The following APBA1 variants were observed in gnomAD, a reference collection of about 807,000 sequenced individuals.
APBA1 encodes the protein amyloid-beta A4 precursor protein-binding family A member 1.
APBA1 carries 55 observed loss-of-function variants against 86.6 expected under a neutral mutation model. That is an observed-to-expected ratio of 0.64 (90% CI 0.51 to 0.80). The LOEUF is 0.80. APBA1 is among the 30% of genes least tolerant of loss of function. The pLI, the probability that APBA1 is intolerant of heterozygous loss-of-function variation, is 0.00. For synonymous variants in APBA1, 511 were observed against 493.9 expected, an observed-to-expected ratio of 1.03 and a Z score of -0.46; for missense variants, 1,090 against 1,183.0, an observed-to-expected ratio of 0.92 and a Z score of 1.15.
At chr9:69,521,674 T>C (rs1052941554) in intron 1 of APBA1, among the ~76,000 whole-genome samples, 20 of 152,196 alleles carry the variant, frequency 1.3e-4, no homozygotes, top group Admixed American at 5.9e-4. Flanking sequence ...GAGGACATTA[T>C]GTAGATATTA....
intron 1 of APBA1, among the ~76,000 whole-genome samples, chr9:69,639,129 T>C (rs1425782698): frequency 6.6e-6 from 1 of 152,150 alleles, no homozygotes; most frequent in Non-Finnish European, 1.5e-5. Context: ...CAGAGATAGT[T>C]TACAGTTAAA....
intron 10 of APBA1, among the ~76,000 whole-genome samples, chr9:69,442,074 T>A (rs1834833883): frequency 6.6e-6 from 1 of 152,194 alleles, no homozygotes. Flanking sequence ...GCCTGACCAC[T>A]GACTTGTCAG....
Position 69,516,666 on chromosome 9 carries a change from G to C in APBA1, c.545C>G (p.Pro182Arg). ...GTAGTCGGCATAGGGCTCGGAGTAG[G>C]GCTCGTCCTCACCGCGGTGGAAGAG... ...HRLFHRGEDE[P>R]YSEPYADYGG... The change falls in exon 2 of 13, where the codon CCC becomes CGC. Residue 182 changes from proline to arginine, a missense_variant. By Grantham distance (103) the Pro-to-Arg change is moderately radical. Transcript: ENST00000265381. This position sits in a 1 kb window ranked among gnomAD's most constrained non-coding sequence, Gnocchi z 7.3. The C allele has an allele frequency of 6.2e-7, 1 of 1,609,704 alleles. No homozygotes were observed. The highest frequency in any genetic ancestry group is 8.5e-7 in the Non-Finnish European group (1 of 1,179,062).
intron 1 of APBA1, among the ~76,000 whole-genome samples, chr9:69,519,306 C>T (rs1213425853): frequency 1.3e-5 from 2 of 152,220 alleles, no homozygotes; most frequent in Admixed American, 1.3e-4. Context: ...GTGCAGTTCA[C>T]AATAGAGTTC....
intron 1 of APBA1, among the ~76,000 whole-genome samples, chr9:69,545,977 G>T (rs1328213057): frequency 6.6e-6 from 1 of 152,122 alleles, no homozygotes; most frequent in African/African-American, 2.4e-5. Context: ...TAGCTAGAGG[G>T]AAAACACTTT....
intron 1 of APBA1, among the ~76,000 whole-genome samples, chr9:69,654,209 C>T (rs1203160791): frequency 6.7e-6 from 1 of 149,786 alleles, no homozygotes; most frequent in East Asian, 1.9e-4. Flanking sequence ...CCTCAAGGAA[C>T]TAGAAAAATA....
chr9:69,456,503 T>G, intron 7 of APBA1, 71 bp from the exon 8 acceptor site: 2 of 1,457,564 alleles, frequency 1.4e-6, no homozygotes, highest in Non-Finnish European at 1.9e-6. Context: ...CCTGCCACCT[T>G]ACAGCCAGTC....
At chr9:69,540,803 T>G (rs1836595986) in intron 1 of APBA1, among the ~76,000 whole-genome samples, 1 of 152,150 alleles carries the variant, frequency 6.6e-6, no homozygotes, top group South Asian at 2.1e-4. Context: ...CTCGCCACAT[T>G]GCCCAGGTTG....
At chr9:69,662,491 A>G (rs574067983) in intron 1 of APBA1, among the ~76,000 whole-genome samples, 27 of 152,322 alleles carry the variant, frequency 1.8e-4, no homozygotes, top group Admixed American at 2.6e-4. Flanking sequence ...GATTAGGTTA[A>G]GCTTTCATAT....
chr9:69,624,871 A>G (rs1050990038), intron 1 of APBA1, among the ~76,000 whole-genome samples: 1 of 152,174 alleles, frequency 6.6e-6, no homozygotes. Flanking sequence ...TCCACTGTCA[A>G]ACTGAGACAT....
chr9:69,538,924 C>T (rs963991230), intron 1 of APBA1, among the ~76,000 whole-genome samples: 2 of 152,172 alleles, frequency 1.3e-5, no homozygotes, highest in Non-Finnish European at 2.9e-5. Context: ...CAGTGAGTTC[C>T]ATATTGCAAT....
At chr9:69,661,254 T>C (rs1823747940) in intron 1 of APBA1, among the ~76,000 whole-genome samples, 1 of 152,210 alleles carries the variant, frequency 6.6e-6, no homozygotes, top group Non-Finnish European at 1.5e-5. Flanking sequence ...AGAGAAAGTT[T>C]GTCAACTTCT....
chr9:69,661,674 G>C (rs955385951), intron 1 of APBA1, among the ~76,000 whole-genome samples: 4 of 152,134 alleles, frequency 2.6e-5, no homozygotes, highest in East Asian at 1.9e-4. Context: ...TGGGTCATGG[G>C]GGGTGAATCT....
At chr9:69,623,358 C>CTT (rs201582881) in intron 1 of APBA1, among the ~76,000 whole-genome samples, 3 of 147,282 alleles carry the variant, frequency 2.0e-5, no homozygotes, top group Admixed American at 1.3e-4. Flanking sequence ...TCTTTTTTTT[C>CTT]TTTTTTTTTT....
At chr9:69,447,390 C>T (rs1447726966) in intron 10 of APBA1, among the ~76,000 whole-genome samples, 8 of 152,296 alleles carry the variant, frequency 5.3e-5, no homozygotes, top group Admixed American at 4.6e-4. Flanking sequence ...ACTCCTATGC[C>T]GCTCAGGCAG....
At chr9:69,641,583 G>C (rs1036655774) in intron 1 of APBA1, among the ~76,000 whole-genome samples, 5 of 152,114 alleles carry the variant, frequency 3.3e-5, no homozygotes, top group Non-Finnish European at 7.4e-5. Context: ...TCCAGAAACA[G>C]ACCCACCATA....
chr9:69,667,694 C>T (rs1440276688), intron 1 of APBA1, among the ~76,000 whole-genome samples: 1 of 151,544 alleles, frequency 6.6e-6, no homozygotes, highest in Non-Finnish European at 1.5e-5. Flanking sequence ...TCAAGTCTTC[C>T]TATACTAAAA....
chr9:69,500,181 A>C (rs1177705528), intron 2 of APBA1, among the ~76,000 whole-genome samples: 2 of 152,042 alleles, frequency 1.3e-5, no homozygotes, highest in Non-Finnish European at 2.9e-5. Flanking sequence ...GGGGGATCTG[A>C]ATGCTGAGGA....
intron 1 of APBA1, among the ~76,000 whole-genome samples, chr9:69,658,258 T>C (rs1057095136): frequency 3.6e-4 from 8 of 22,254 alleles, no homozygotes; most frequent in African/African-American, 5.3e-4. Flanking sequence ...CTTTCTTTCT[T>C]TCTTTCTTTC....
Sources: allele counts gnomAD v4.1 joint callset (sites outside exome capture counted in the v4.1 genomes callset), GRCh38; gene constraint gnomAD v4.1.1; non-coding constraint Gnocchi (gnomAD v3.1); transcripts MANE v1.5; gene names NCBI Gene and HGNC (gene_info 2026-07-23, HGNC 2026-07-21).